The following DENND2B variants were observed in gnomAD, a reference collection of about 807,000 sequenced individuals.
The protein encoded by DENND2B is DENN domain-containing protein 2B.
A neutral mutation model predicts 116.0 loss-of-function variants in DENND2B; 32 were observed. That is an observed-to-expected ratio of 0.28 (90% CI 0.21 to 0.37). The LOEUF is 0.37. Among genes scored for constraint, DENND2B ranks in the 10% least tolerant of loss-of-function variants. DENND2B has a pLI of 1.00. For synonymous variants in DENND2B, 588 were observed against 583.9 expected (o/e 1.01, Z -0.10); for missense variants, 1,276 against 1,477.7 (o/e 0.86, Z 2.24).
Position 8,695,531 on chromosome 11 carries a change from A to G in DENND2B, c.3311T>C (p.Val1104Ala), listed in dbSNP as rs780604455. ...TGGGAGTTCTTCTAAGTACTGCTCC[A>G]CTCGCTGCTCAAAAAGGCCTGGGTA... is the stretch of plus-strand genomic sequence containing the variant. ...CRAKGLFEQR[V>A]EQYLEELPDT... Residue 1104 changes from valine to alanine, a missense_variant, in exon 19 of 20, where the codon GTG becomes GCG. By Grantham distance (64) the Val-to-Ala change is moderately conservative (BLOSUM62 0). This residue lies in a region of DENND2B where 420 missense variants were observed against 631.1 expected (regional missense o/e 0.67). Coordinates refer to ENST00000313726, the MANE Select transcript of DENND2B (RefSeq NM_213618.2). 5.0e-6 allele frequency: 8 copies of G among 1,613,886 alleles called. No individual in the cohort carries two copies. The highest frequency in any genetic ancestry group is 6.8e-6 in the Non-Finnish European group (8 of 1,180,012).
intron 1 of DENND2B, among the ~76,000 whole-genome samples, chr11:8,888,476 G>A (rs2063987046): frequency 6.6e-6 from 1 of 152,114 alleles, no homozygotes; most frequent in African/African-American, 2.4e-5. Flanking sequence ...AAAATTCTTA[G>A]AAGAAAACAT....
intron 2 of DENND2B, among the ~76,000 whole-genome samples, chr11:8,737,878 G>C (rs2049375262): frequency 6.6e-6 from 1 of 151,686 alleles, no homozygotes; most frequent in Non-Finnish European, 1.5e-5. Context: ...CTCATGAATA[G>C]CTGGGACTAC....
intron 2 of DENND2B, chr11:8,877,301 T>C (rs2063854613): frequency 6.6e-6 from 1 of 151,988 alleles, no homozygotes; most frequent in Non-Finnish European, 1.5e-5. Flanking sequence ...GAAACAGGGT[T>C]TCACCATGTT....
rs182685866 is a variant in DENND2B at position 8,892,989 on chromosome 11, A to G, written c.-255-11880T>C. ...ATATCCCTAGTGAACATCAATGCAA[A>G]AATCCTCAGTAAAATACTGGCAAAC... On this transcript the variant is annotated intron_variant, in intron 1 of 22. Transcript: ENST00000534127. Among the ~76,000 whole-genome samples the G allele has an allele frequency of 2.9e-3, 449 of 152,342 alleles. 3 individuals are homozygous for G. Among genetic ancestry groups the G allele is most frequent in the African/African-American group, 0.01 (431 of 41,568 alleles).
rs189933078 is a variant in DENND2B at position 8,762,815 on chromosome 11, G to A, written c.-25-12090C>T. 4.5e-3 allele frequency among the ~76,000 whole-genome samples: 683 copies of A among 152,258 alleles called. 5 individuals carry two copies. Among genetic ancestry groups the A allele is most frequent in the Admixed American group, 7.5e-3 (115 of 15,290 alleles). On this transcript the variant is annotated intron_variant, in intron 1 of 19. Coordinates refer to ENST00000313726, the MANE Select transcript of DENND2B (RefSeq NM_213618.2). ...GCAGAGGTTGCGGTGAGCCAAGATC[G>A]CGCCATTACACTCCAGCCTGGGCAA...
chr11:8,762,654 A>G (rs2054887797), intron 1 of DENND2B, among the ~76,000 whole-genome samples: 1 of 152,232 alleles, frequency 6.6e-6, no homozygotes, highest in African/African-American at 2.4e-5. Context: ...TGAGGTCGGG[A>G]GTTTGAGACC....
At chr11:8,739,013 G>C (rs1385358119) in intron 2 of DENND2B, among the ~76,000 whole-genome samples, 1 of 152,192 alleles carries the variant, frequency 6.6e-6, no homozygotes, top group Non-Finnish European at 1.5e-5. Flanking sequence ...TAGACTATGA[G>C]TGAGCCCACC....
At chr11:8,784,068 G>A (rs2058656271) in intron 1 of DENND2B, 1 of 152,144 alleles carries the variant, frequency 6.6e-6, no homozygotes. Context: ...AAGTGTGTGA[G>A]CGAAGGAAAG....
Position 8,711,107 on chromosome 11 carries a change from C to T in DENND2B, c.2282+15G>A, listed in dbSNP as rs368926917. 4.9e-5 allele frequency: 79 copies of T among 1,611,610 alleles called. No individual in the cohort carries two copies. Among genetic ancestry groups the T allele is most frequent in the Non-Finnish European group, 6.2e-5 (73 of 1,177,870 alleles). Reference sequence around the variant, plus strand: ...GGCTATGCTCCTTCCTCCCTCAGGCCAGGCCAGGCCTCACCTGCTATACTC... The same window carrying T: ...GGCTATGCTCCTTCCTCCCTCAGGCTAGGCCAGGCCTCACCTGCTATACTC... On this transcript the variant is annotated intron_variant, in intron 10 of 19. Transcript: ENST00000313726.
At chr11:8,713,286 C>T (rs2044098783) in intron 8 of DENND2B, among the ~76,000 whole-genome samples, 2 of 152,150 alleles carry the variant, frequency 1.3e-5, no homozygotes, top group Admixed American at 6.5e-5. Context: ...TGGGGGACTG[C>T]AGGGCCTCCA....
chr11:8,784,778 C>T (rs2058733030), intron 1 of DENND2B, among the ~76,000 whole-genome samples: 1 of 150,966 alleles, frequency 6.6e-6, no homozygotes, highest in Admixed American at 6.6e-5. Flanking sequence ...GTGGAGGCTG[C>T]AGTGAGCCGA....
intron 1 of DENND2B, among the ~76,000 whole-genome samples, chr11:8,804,985 A>C (rs2060715916): frequency 6.6e-6 from 1 of 152,254 alleles, no homozygotes; most frequent in South Asian, 2.1e-4. Flanking sequence ...TTTACTATGT[A>C]CCAGGCACTG....
chr11:8,826,227 C>T (rs770689035), intron 4 of DENND2B, among the ~76,000 whole-genome samples: 12 of 152,186 alleles, frequency 7.9e-5, no homozygotes, highest in Non-Finnish European at 1.6e-4. Flanking sequence ...CACATCAAAA[C>T]CTCCCAGCTG....
intron 2 of DENND2B, among the ~76,000 whole-genome samples, chr11:8,741,314 G>A (rs1260501077): frequency 1.3e-5 from 2 of 152,186 alleles, no homozygotes; most frequent in Non-Finnish European, 2.9e-5. Flanking sequence ...CAAGTGGACC[G>A]CTGAGCTCTT....
chr11:8,781,342 C>T (rs945205794), intron 1 of DENND2B, among the ~76,000 whole-genome samples: 8 of 151,894 alleles, frequency 5.3e-5, no homozygotes, highest in East Asian at 3.8e-4. Context: ...GAGTTCAGAG[C>T]GAGAGTTGGG....
intron 11 of DENND2B, among the ~76,000 whole-genome samples, chr11:8,709,531 T>C (rs557483884): frequency 6.6e-6 from 1 of 152,314 alleles, no homozygotes; most frequent in East Asian, 1.9e-4. Flanking sequence ...GCCAGAGGCA[T>C]GCTGGCCTCT....
chr11:8,710,025 A>G (rs1359725219), intron 11 of DENND2B, among the ~76,000 whole-genome samples: 1 of 152,150 alleles, frequency 6.6e-6, no homozygotes, highest in Non-Finnish European at 1.5e-5. Context: ...ATAAGGGATG[A>G]TAAGTGTTTC....
chr11:8,897,107 A>G (rs1223908813), intron 1 of DENND2B, among the ~76,000 whole-genome samples: 3 of 152,084 alleles, frequency 2.0e-5, no homozygotes, highest in Non-Finnish European at 2.9e-5. Context: ...TTTTTTAAAA[A>G]CTAGCCAGGT....
intron 2 of DENND2B, among the ~76,000 whole-genome samples, chr11:8,740,323 G>A (rs946457600): frequency 3.3e-5 from 5 of 152,118 alleles, no homozygotes; most frequent in Middle Eastern, 3.2e-3. Flanking sequence ...ACAGGAACAC[G>A]CCCCAATCCC....
Sources: gnomAD v4.1 joint callset for allele counts (sites outside exome capture counted in the v4.1 genomes callset) on GRCh38, gnomAD v4.1.1 for gene constraint, gnomAD v4.1.1 regional missense constraint, MANE v1.5 for transcripts, NCBI Gene and HGNC (gene_info 2026-07-23, HGNC 2026-07-21) for gene names.